The following MITF variants were observed in gnomAD, a reference collection of about 807,000 sequenced individuals.
The protein encoded by MITF is microphthalmia-associated transcription factor.
Under a neutral mutation model 60.5 loss-of-function variants are expected in MITF, and 17 were observed. The observed-to-expected ratio is 0.28, with a 90% CI of 0.19 to 0.42. The LOEUF (loss-of-function observed/expected upper bound fraction) is 0.42. Ranked by LOEUF, MITF falls within the 10% of genes least tolerant of loss-of-function variation. The probability of loss-of-function intolerance (pLI) is 1.00; values close to 1 mark genes in which losing one functional copy is unlikely to be tolerated. For missense variants in MITF, 622 were observed against 683.5 expected (o/e 0.91, Z 1.00); for synonymous variants, 260 against 248.5 (o/e 1.05, Z -0.43).
chr3:69,840,814 T>C (rs896424443), intron 1 of MITF, among the ~76,000 whole-genome samples: 1 of 151,600 alleles, frequency 6.6e-6, no homozygotes, highest in Non-Finnish European at 1.5e-5. Context: ...AGTGCAGTGC[T>C]GCGATCTCAG....
intron 2 of MITF, among the ~76,000 whole-genome samples, chr3:69,936,412 G>T (rs1161155159): frequency 6.6e-6 from 1 of 152,092 alleles, no homozygotes; most frequent in African/African-American, 2.4e-5. Flanking sequence ...CACTTAAAAA[G>T]GTTCTTTTAT....
intron 1 of MITF, among the ~76,000 whole-genome samples, chr3:69,867,952 T>C (rs1306734682): frequency 2.0e-5 from 3 of 152,224 alleles, no homozygotes; most frequent in Non-Finnish European, 4.4e-5. Flanking sequence ...AACTTTTCTG[T>C]GCGTATTCTT....
chr3:69,821,703 A>C (rs1207853727), intron 1 of MITF, among the ~76,000 whole-genome samples: 1 of 151,544 alleles, frequency 6.6e-6, no homozygotes, highest in African/African-American at 2.4e-5. Flanking sequence ...AAAAAAAAAA[A>C]AAAGCAAAAG....
intron 2 of MITF, among the ~76,000 whole-genome samples, chr3:69,892,045 T>G (rs921446443): frequency 1.3e-5 from 2 of 152,234 alleles, no homozygotes; most frequent in African/African-American, 4.8e-5. Flanking sequence ...TGTCCACAAA[T>G]ATTTGTAAAT....
chr3:69,759,082 C>G (rs1344964713), intron 1 of MITF, among the ~76,000 whole-genome samples: 1 of 152,128 alleles, frequency 6.6e-6, no homozygotes, highest in East Asian at 1.9e-4. Flanking sequence ...CTACAAATAC[C>G]GAATTAGCAA....
intron 2 of MITF, among the ~76,000 whole-genome samples, chr3:69,910,574 G>T (rs1333935660): frequency 6.6e-6 from 1 of 152,222 alleles, no homozygotes; most frequent in Non-Finnish European, 1.5e-5. Flanking sequence ...AGCCACAGGG[G>T]CAGAGCTGCC....
In MITF at chr3:69,879,237, G is replaced by T; in HGVS notation, c.208G>T (p.Glu70Ter). ...RQQLMREQMQ[E>*]QERREQQQKL... is the part of the protein sequence containing the mutation. Reference sequence around the variant, plus strand: ...GCAACTCATGCGTGAGCAGATGCAGGAGCAGGAGCGCAGGGAGCAGCAGCA... The same window carrying T: ...GCAACTCATGCGTGAGCAGATGCAGTAGCAGGAGCGCAGGGAGCAGCAGCA... Residue 70 changes from glutamate to a stop codon, truncating the protein, a stop_gained, in exon 2 of 10, where the codon GAG becomes TAG. Transcript: ENST00000352241. LOFTEE classifies it high-confidence loss of function. The T allele has an allele frequency of 1.2e-6, 2 of 1,614,220 alleles. No individual in the cohort carries two copies. The highest frequency in any genetic ancestry group is 1.1e-5 in the South Asian group (1 of 91,076).
At chr3:69,899,092 C>T (rs547844065) in intron 2 of MITF, among the ~76,000 whole-genome samples, 12 of 152,154 alleles carry the variant, frequency 7.9e-5, no homozygotes, top group Non-Finnish European at 2.9e-5. Flanking sequence ...TAGCAGAGAA[C>T]GGGGGAAGTG....
intron 2 of MITF, chr3:69,937,302 T>C (rs2065861478): frequency 1.2e-5 from 2 of 168,638 alleles, no homozygotes; most frequent in Admixed American, 5.7e-5. Context: ...AACTAGTTGA[T>C]TTAATCATTG....
chr3:69,828,618 G>A, intron 1 of MITF, among the ~76,000 whole-genome samples: 1 of 151,814 alleles, frequency 6.6e-6, no homozygotes. Flanking sequence ...TATATAAATA[G>A]ATAAATATAA....
At chr3:69,783,933 A>G (rs2062607429) in intron 1 of MITF, among the ~76,000 whole-genome samples, 1 of 152,196 alleles carries the variant, frequency 6.6e-6, no homozygotes, top group Non-Finnish European at 1.5e-5. Flanking sequence ...GTGTCAGCAT[A>G]GGGATAAAGA....
intron 1 of MITF, among the ~76,000 whole-genome samples, chr3:69,865,764 T>C (rs536902561): frequency 6.6e-6 from 1 of 152,278 alleles, no homozygotes; most frequent in African/African-American, 2.4e-5. Context: ...GCTCCAAAAA[T>C]GCCTGTGCAC....
intron 2 of MITF, among the ~76,000 whole-genome samples, chr3:69,925,101 A>G (rs944910550): frequency 2.6e-5 from 4 of 152,196 alleles, no homozygotes; most frequent in African/African-American, 9.6e-5. Flanking sequence ...GTGAACAATC[A>G]TAGAGAACAT....
At chr3:69,752,550 G>C (rs762521402) in intron 1 of MITF, among the ~76,000 whole-genome samples, 2 of 152,202 alleles carry the variant, frequency 1.3e-5, no homozygotes, top group African/African-American at 2.4e-5. Context: ...ACTTGAGAGT[G>C]ATGATTTAGG....
chr3:69,864,390 A>G (rs1049454163), intron 1 of MITF, among the ~76,000 whole-genome samples: 9 of 152,232 alleles, frequency 5.9e-5, no homozygotes, highest in African/African-American at 1.7e-4. Context: ...AGTACCTGGC[A>G]TGTAGAAAGT....
At chr3:69,917,020 T>C (rs1248499110) in intron 2 of MITF, among the ~76,000 whole-genome samples, 4 of 152,324 alleles carry the variant, frequency 2.6e-5, no homozygotes, top group East Asian at 1.9e-4. Flanking sequence ...CTAGTACATG[T>C]TGGACACTAA....
At position 69,756,144 on chromosome 3, in the gene MITF, C is replaced by G. The variant is rs1339670333; in HGVS notation, c.104+16443C>G. Among the ~76,000 whole-genome samples the G allele has an allele frequency of 2.6e-5, 4 of 151,644 alleles. No individual in the cohort carries two copies. In the East Asian group the frequency reaches 5.8e-4, roughly 22 times the overall value. The stretch of plus-strand genomic sequence containing the variant: ...TGTGGCAAGTTTTTTTTTTTAAGTT[C>G]TAGGATACATGTGCAGAATGTGCAG... On this transcript the variant is annotated intron_variant, in intron 1 of 9. Coordinates refer to ENST00000352241, the MANE Select transcript of MITF (RefSeq NM_001354604.2).
chr3:69,781,388 G>T (rs140125815), intron 1 of MITF, among the ~76,000 whole-genome samples: 1 of 152,004 alleles, frequency 6.6e-6, no homozygotes, highest in East Asian at 1.9e-4. Context: ...TTATCATGGC[G>T]CTTTTTGTTC....
At chr3:69,750,404 T>G (rs1025161067) in intron 1 of MITF, among the ~76,000 whole-genome samples, 1 of 150,702 alleles carries the variant, frequency 6.6e-6, no homozygotes, top group African/African-American at 2.4e-5. Flanking sequence ...TTTTTTTTCC[T>G]TTTTTAAAAA....
Sources: allele counts gnomAD v4.1 joint callset (sites outside exome capture counted in the v4.1 genomes callset), GRCh38; gene constraint gnomAD v4.1.1; transcripts MANE v1.5; gene names NCBI Gene and HGNC (gene_info 2026-07-23, HGNC 2026-07-21).